The following CBFA2T2 variants were observed in gnomAD, a reference collection of about 807,000 sequenced individuals.
CBFA2T2 encodes the protein protein CBFA2T2.
A neutral mutation model predicts 62.2 loss-of-function variants in CBFA2T2; 11 were observed. The ratio of observed to expected loss-of-function variants is 0.18; its 90% confidence interval spans 0.11 to 0.29. CBFA2T2 has a LOEUF of 0.29. Ranked by LOEUF, CBFA2T2 falls within the 10% of genes least tolerant of loss-of-function variation. The pLI is 1.00. For missense variants in CBFA2T2, 592 were observed against 774.1 expected, an observed-to-expected ratio of 0.76 and a Z score of 2.79; for synonymous variants, 295 against 287.5, an observed-to-expected ratio of 1.03 and a Z score of -0.27.
At chr20:33,610,629 C>T (rs1446839369) in intron 2 of CBFA2T2, among the ~76,000 whole-genome samples, 1 of 152,158 alleles carries the variant, frequency 6.6e-6, no homozygotes, top group African/African-American at 2.4e-5. Context: ...AAATATCCCT[C>T]ATATTATCAT....
chr20:33,558,831 CG>C lies in CBFA2T2; in HGVS notation c.35-48123del, dbSNP rs35430195. 4.2e-3 allele frequency among the ~76,000 whole-genome samples: 635 copies of C among 150,902 alleles called. 5 individuals carry two copies. Among genetic ancestry groups the C allele is most frequent in the African/African-American group, 0.015 (589 of 40,456 alleles). ...ATTTTTCGCCAACTGTTTGGGGGGGCGGCGATTCTTGAATCTTTATTTTAGA... is the reference window on the plus strand; with the variant it reads ...ATTTTTCGCCAACTGTTTGGGGGGGCGCGATTCTTGAATCTTTATTTTAGA... On this transcript the variant is annotated intron_variant, in intron 1 of 10. Coordinates refer to ENST00000342704, the MANE Select transcript of CBFA2T2 (RefSeq NM_001032999.3).
chr20:33,630,059 T>A, intron 8 of CBFA2T2, 145 bp downstream of exon 8: 1 of 757,652 alleles, frequency 1.3e-6, no homozygotes, highest in Non-Finnish European at 2.0e-6. Context: ...TTATGAAAAG[T>A]AAATGAGAAA....
At chr20:33,580,698 A>G (rs1020016513) in intron 1 of CBFA2T2, among the ~76,000 whole-genome samples, 4 of 151,978 alleles carry the variant, frequency 2.6e-5, no homozygotes, top group Admixed American at 6.6e-5. Context: ...AAAATACACA[A>G]AAAATTAGCC....
intron 1 of CBFA2T2, among the ~76,000 whole-genome samples, chr20:33,513,601 T>C (rs1440483113): frequency 2.0e-5 from 3 of 151,546 alleles, no homozygotes; most frequent in Admixed American, 6.6e-5. Flanking sequence ...GACCTTGTGA[T>C]CCGCCTGCGT....
intron 3 of CBFA2T2, among the ~76,000 whole-genome samples, chr20:33,611,942 C>T (rs1386766163): frequency 6.6e-6 from 1 of 152,054 alleles, no homozygotes; most frequent in Non-Finnish European, 1.5e-5. Flanking sequence ...GGTGTCCAAC[C>T]AAGTTAATGC....
intron 3 of CBFA2T2, chr20:33,618,300 C>G (rs981416544): frequency 2.0e-5 from 3 of 151,394 alleles, no homozygotes; most frequent in African/African-American, 7.3e-5. Flanking sequence ...ATAGCTCTTT[C>G]TGGGGAGCAA....
intron 3 of CBFA2T2, among the ~76,000 whole-genome samples, chr20:33,617,641 AG>A: frequency 6.6e-6 from 1 of 152,338 alleles, no homozygotes; most frequent in Middle Eastern, 3.4e-3. Flanking sequence ...CTTCCCTTGC[AG>A]TAGATATAAA....
chr20:33,513,692 T>TA (rs1253457121), intron 1 of CBFA2T2, among the ~76,000 whole-genome samples: 1 of 147,076 alleles, frequency 6.8e-6, no homozygotes, highest in East Asian at 2.3e-4. Flanking sequence ...CAGGTGCCTG[T>TA]AATCCCAGCT....
chr20:33,583,825 A>T (rs931547763), intron 1 of CBFA2T2, among the ~76,000 whole-genome samples: 1 of 152,140 alleles, frequency 6.6e-6, no homozygotes, highest in Non-Finnish European at 1.5e-5. Context: ...ACCCCTTCTC[A>T]TACCAACCAT....
chr20:33,597,680 C>A (rs1186327937), intron 1 of CBFA2T2, among the ~76,000 whole-genome samples: 1 of 152,150 alleles, frequency 6.6e-6, no homozygotes, highest in Non-Finnish European at 1.5e-5. Flanking sequence ...CCCTACCCCA[C>A]CCCCAGTTAG....
At chr20:33,617,793 A>AAAGTGTTC (rs1347002220) in intron 3 of CBFA2T2, among the ~76,000 whole-genome samples, 3 of 152,212 alleles carry the variant, frequency 2.0e-5, no homozygotes, top group African/African-American at 4.8e-5. Context: ...GAAATGTGGG[A>AAAGTGTTC]AAGTGTTCAA....
At chr20:33,576,884 C>T (rs768633564) in intron 1 of CBFA2T2, among the ~76,000 whole-genome samples, 1 of 152,244 alleles carries the variant, frequency 6.6e-6, no homozygotes, top group Non-Finnish European at 1.5e-5. Flanking sequence ...GAGTTTTATT[C>T]TGTACTGGGT....
intron 3 of CBFA2T2, among the ~76,000 whole-genome samples, chr20:33,612,551 G>C: frequency 6.6e-6 from 1 of 151,404 alleles, no homozygotes; most frequent in Non-Finnish European, 1.5e-5. Context: ...AGATATTAAA[G>C]AGACTTTCTA....
chr20:33,557,862 A>T (rs1430412125), intron 1 of CBFA2T2, among the ~76,000 whole-genome samples: 1 of 151,338 alleles, frequency 6.6e-6, no homozygotes, highest in Non-Finnish European at 1.5e-5. Context: ...TGAGACAAAA[A>T]TCTTGCTCTG....
intron 5 of CBFA2T2, chr20:33,623,797 G>C (rs1197724722): frequency 1.4e-6 from 1 of 714,990 alleles, no homozygotes; most frequent in Non-Finnish European, 2.6e-6. Flanking sequence ...TAAAATCTAT[G>C]GGAGTAGCTT....
In CBFA2T2 at chr20:33,635,001, A is replaced by G. The variant is rs141531040; in HGVS notation, c.1229-1639A>G. On this transcript the variant is annotated intron_variant, in intron 8 of 10. Transcript: ENST00000342704. ...ACAACATTAGAAATCTACCCAACTT[A>G]TATATCCAAATCATGAATTTCAAAA... 4.6e-3 allele frequency among the ~76,000 whole-genome samples: 694 copies of G among 152,338 alleles called. 4 individuals carry two copies. The highest frequency in any genetic ancestry group is 0.016 in the African/African-American group (646 of 41,570).
At chr20:33,557,484 G>A (rs897429755) in intron 1 of CBFA2T2, among the ~76,000 whole-genome samples, 9 of 151,978 alleles carry the variant, frequency 5.9e-5, no homozygotes, top group Admixed American at 2.0e-4. Flanking sequence ...ATGTATGAAA[G>A]TGTGTTTGCG....
In CBFA2T2 at chr20:33,591,778, C is replaced by T. The variant is rs375275971; in HGVS notation, c.35-15178C>T. Among the ~76,000 whole-genome samples the T allele has an allele frequency of 8.6e-5, 12 of 139,252 alleles. No individual in the cohort carries two copies. The South Asian group carries it at 9.1e-4, about 11-fold the overall frequency. 91.4% of individuals were successfully genotyped at this position (139,252 alleles called of 152,430 possible). Reference sequence around the variant, plus strand: ...CTCTTTTGCTCCTCAGACTGGTCTTCGTAGTCTTCAGGTTGCTAAAATCTG... The same window carrying T: ...CTCTTTTGCTCCTCAGACTGGTCTTTGTAGTCTTCAGGTTGCTAAAATCTG... On this transcript the variant is annotated intron_variant, in intron 1 of 10. Coordinates refer to ENST00000342704, the MANE Select transcript of CBFA2T2 (RefSeq NM_001032999.3).
intron 1 of CBFA2T2, among the ~76,000 whole-genome samples, chr20:33,596,508 C>CTCTTTACTTGGCT (rs2014897167): frequency 6.6e-6 from 1 of 152,146 alleles, no homozygotes; most frequent in East Asian, 1.9e-4. Context: ...GTAGATTATA[C>CTCTTTACTTGGCT]TCTTTACTTG....
Sources: gnomAD v4.1 joint callset for allele counts (sites outside exome capture counted in the v4.1 genomes callset) on GRCh38, gnomAD v4.1.1 for gene constraint, MANE v1.5 for transcripts, NCBI Gene and HGNC (gene_info 2026-07-23, HGNC 2026-07-21) for gene names.